The following ATP10D variants were observed in gnomAD, a reference collection of about 807,000 sequenced individuals.
The protein encoded by ATP10D is phospholipid-transporting ATPase VD.
Under a neutral mutation model 144.8 loss-of-function variants are expected in ATP10D, and 89 were observed. The observed-to-expected ratio is 0.61, with a 90% CI of 0.52 to 0.73. The LOEUF (loss-of-function observed/expected upper bound fraction) is 0.73. ATP10D is among the 30% of genes least tolerant of loss of function. ATP10D has a pLI of 0.00. For synonymous variants in ATP10D, 571 were observed against 615.1 expected (o/e 0.93, Z 1.06); for missense variants, 1,603 against 1,714.8 (o/e 0.93, Z 1.15).
In ATP10D at chr4:47,587,005, TTC is replaced by T. The variant is rs1560460328; in HGVS notation, c.3754-12_3754-11del. On this transcript the variant is annotated splice_polypyrimidine_tract_variant and intron_variant, in intron 21 of 22. Coordinates refer to ENST00000273859, the MANE Select transcript of ATP10D (RefSeq NM_020453.4). ...GACAGAGCATTCATTTCCTCTGCTC[TTC>T]TTGTCTTACAGACTTGGATTCACTT... 1.2e-6 allele frequency: 2 copies of T among 1,612,822 alleles called. No homozygotes were observed. The highest frequency in any genetic ancestry group is 3.3e-5 in the Admixed American group (2 of 59,998).
rs1327649319 is a variant in ATP10D, at chr4:47,512,748, G to C, written c.208G>C (p.Ala70Pro). The change falls in exon 2 of 23, where the codon GCC (alanine) becomes CCC (proline). Residue 70 changes from alanine to proline, a missense_variant. Ala to Pro is a conservative substitution (Grantham distance 27). Transcript: ENST00000273859. The stretch of plus-strand genomic sequence containing the variant: ...GGATGAGTATGAGAAGTTCTCCGGA[G>C]CCTATGTGAACAATCGAATACGAAC... ...FKDEYEKFSG[A>P]YVNNRIRTTK... 1 of 1,614,204 alleles carries C rather than the reference G, an allele frequency of 6.2e-7. No individual in the cohort carries two copies. The highest frequency in any genetic ancestry group is 2.2e-5 in the East Asian group (1 of 44,890).
intron 9 of ATP10D, among the ~76,000 whole-genome samples, chr4:47,541,461 G>A (rs1577664548): frequency 6.6e-6 from 1 of 152,184 alleles, no homozygotes; most frequent in East Asian, 1.9e-4. Context: ...TTCTTACGAT[G>A]CTGGAATTGT....
At chr4:47,547,502 T>C (rs1363874910) in intron 10 of ATP10D, 2 of 152,208 alleles carry the variant, frequency 1.3e-5, no homozygotes, top group Non-Finnish European at 2.9e-5. Context: ...GGAAAGGTGC[T>C]GTGTGAAAAA....
intron 16 of ATP10D, among the ~76,000 whole-genome samples, chr4:47,569,955 T>G (rs1171560156): frequency 6.6e-6 from 1 of 151,990 alleles, no homozygotes; most frequent in Non-Finnish European, 1.5e-5. Context: ...TTTCTGCGGG[T>G]TATTAAAGGC....
intron 10 of ATP10D, among the ~76,000 whole-genome samples, chr4:47,549,842 G>T (rs1718634298): frequency 6.6e-6 from 1 of 152,180 alleles, no homozygotes; most frequent in Admixed American, 6.5e-5. Flanking sequence ...GGAAGGAAAG[G>T]CATTTGGAGC....
intron 22 of ATP10D, among the ~76,000 whole-genome samples, chr4:47,589,076 ACAG>A (rs1378369408): frequency 6.6e-6 from 1 of 152,156 alleles, no homozygotes; most frequent in Non-Finnish European, 1.5e-5. Context: ...GAGATTTGAC[ACAG>A]AAGAGGAGAA....
At chr4:47,549,626 T>C (rs556442816) in intron 10 of ATP10D, among the ~76,000 whole-genome samples, 1 of 152,326 alleles carries the variant, frequency 6.6e-6, no homozygotes, top group African/African-American at 2.4e-5. Flanking sequence ...TTGTTCTAGA[T>C]AGAGAAGAGA....
chr4:47,538,491 C>G (rs553735042), intron 9 of ATP10D, among the ~76,000 whole-genome samples: 9 of 152,218 alleles, frequency 5.9e-5, no homozygotes, highest in Admixed American at 2.0e-4. Context: ...AGTTTTCTAT[C>G]ACTGCATAAC....
chr4:47,564,080 C>T (rs1719467240), intron 15 of ATP10D, among the ~76,000 whole-genome samples: 1 of 152,036 alleles, frequency 6.6e-6, no homozygotes, highest in Non-Finnish European at 1.5e-5. Context: ...TTAGTAGAGA[C>T]GGGGTTTCAC....
intron 22 of ATP10D, among the ~76,000 whole-genome samples, chr4:47,588,453 TATAGCC>T (rs756463356): frequency 4.6e-5 from 7 of 152,218 alleles, no homozygotes; most frequent in Non-Finnish European, 7.3e-5. Context: ...TTTGTTAGAA[TATAGCC>T]ATACTCACTT....
rs760805456 is a variant in ATP10D at position 47,512,653 on chromosome 4, G to A, written c.113G>A (p.Arg38His). 7.4e-6 allele frequency: 12 copies of A among 1,613,946 alleles called. No individual in the cohort carries two copies. In the East Asian group the frequency reaches 1.1e-4, roughly 15 times the overall value. ...TATTCCTCGTTGCTCGCCTGTGGGC[G>A]CAAGTCCTCTCAGACCCCTAAACTG... ...YNYSSLLACG[R>H]KSSQTPKLSG... The change falls in exon 2 of 23, where the codon CGC becomes CAC. Residue 38 changes from arginine to histidine, a missense_variant. Coordinates refer to ENST00000273859, the MANE Select transcript of ATP10D (RefSeq NM_020453.4).
intron 22 of ATP10D, among the ~76,000 whole-genome samples, chr4:47,588,892 G>C (rs866215570): frequency 6.6e-6 from 1 of 152,128 alleles, no homozygotes; most frequent in South Asian, 2.1e-4. Context: ...GCTAAAAAAT[G>C]ACTCCCTAAA....
intron 4 of ATP10D, among the ~76,000 whole-genome samples, chr4:47,524,447 A>G (rs1717129657): frequency 6.6e-6 from 1 of 152,130 alleles, no homozygotes; most frequent in South Asian, 2.1e-4. Flanking sequence ...TCTGGTACCA[A>G]AGACATTGGT....
chr4:47,499,832 C>G (rs1715589275), intron 1 of ATP10D, among the ~76,000 whole-genome samples: 1 of 152,162 alleles, frequency 6.6e-6, no homozygotes, highest in Non-Finnish European at 1.5e-5. Flanking sequence ...AATTTAAATA[C>G]TTCAGCTGTT....
chr4:47,504,597 C>G (rs1485205488), intron 1 of ATP10D, among the ~76,000 whole-genome samples: 1 of 152,020 alleles, frequency 6.6e-6, no homozygotes, highest in African/African-American at 2.4e-5. Context: ...GAGTCTCACT[C>G]TGTGGCCCAG....
intron 10 of ATP10D, among the ~76,000 whole-genome samples, chr4:47,548,321 C>A (rs1368942855): frequency 2.6e-5 from 4 of 152,224 alleles, no homozygotes; most frequent in Non-Finnish European, 5.9e-5. Context: ...TCCATCAAAT[C>A]TGGTGAAATA....
intron 13 of ATP10D, among the ~76,000 whole-genome samples, chr4:47,559,360 C>T (rs1431596029): frequency 6.6e-6 from 1 of 152,152 alleles, no homozygotes; most frequent in East Asian, 1.9e-4. Flanking sequence ...ATGTTGATCT[C>T]TCTGTCTTAC....
intron 17 of ATP10D, 45 bp downstream of exon 17, chr4:47,572,275 C>T: frequency 6.6e-7 from 1 of 1,518,604 alleles, no homozygotes; most frequent in South Asian, 1.1e-5. Flanking sequence ...TTGACCTGCC[C>T]ATCCAAAGGC....
At chr4:47,567,218 A>C (rs779225223) in intron 15 of ATP10D, among the ~76,000 whole-genome samples, 17 of 152,202 alleles carry the variant, frequency 1.1e-4, no homozygotes, top group Non-Finnish European at 2.4e-4. Context: ...ATTACAGATA[A>C]ATTTTATCAA....
Sources: gnomAD v4.1 joint callset for allele counts (sites outside exome capture counted in the v4.1 genomes callset) on GRCh38, gnomAD v4.1.1 for gene constraint, MANE v1.5 for transcripts, NCBI Gene and HGNC (gene_info 2026-07-23, HGNC 2026-07-21) for gene names.